TAFA1: variants seen among roughly 807,000 people sequenced by gnomAD.
TAFA1 encodes the protein chemokine-like protein TAFA-1.
TAFA1 carries 4 observed loss-of-function variants against 18.5 expected under a neutral mutation model. That is an observed-to-expected ratio of 0.22 (90% CI 0.11 to 0.49). The LOEUF (loss-of-function observed/expected upper bound fraction) is 0.49. Among genes scored for constraint, TAFA1 ranks in the 20% least tolerant of loss-of-function variants. The pLI is 0.98. For synonymous variants in TAFA1, 56 were observed against 55.2 expected (o/e 1.01, Z -0.06); for missense variants, 147 against 169.0 (o/e 0.87, Z 0.72).
At chr3:68,431,342 T>G (rs2071166775) in intron 3 of TAFA1, among the ~76,000 whole-genome samples, 3 of 151,992 alleles carry the variant, frequency 2.0e-5, no homozygotes, top group Admixed American at 2.0e-4. Flanking sequence ...CCTATTGCCC[T>G]TAGCAGCCCT....
intron 3 of TAFA1, among the ~76,000 whole-genome samples, chr3:68,459,760 CCAGT>C (rs1457059024): frequency 6.6e-6 from 1 of 152,042 alleles, no homozygotes; most frequent in Non-Finnish European, 1.5e-5. Flanking sequence ...TTAAGATATC[CCAGT>C]CAAATACTCA....
intron 2 of TAFA1, among the ~76,000 whole-genome samples, chr3:68,044,149 C>T (rs1255172215): frequency 6.6e-6 from 1 of 152,188 alleles, no homozygotes; most frequent in Non-Finnish European, 1.5e-5. Flanking sequence ...TTTGTTCCTT[C>T]ATTCTTCTTT....
rs554707319 is a variant in TAFA1 at position 68,136,020 on chromosome 3, T to C, written c.118+129276T>C. On this transcript the variant is annotated intron_variant, in intron 2 of 4. Coordinates refer to ENST00000478136, the MANE Select transcript of TAFA1 (RefSeq NM_213609.4). ...AAAAACAGATTGAATTTCAGAAAGA[T>C]TGACTTGCACATATTCTTCTGATTT... Among the ~76,000 whole-genome samples, 28 of 152,304 alleles carry C rather than the reference T, an allele frequency of 1.8e-4. No individual in the cohort carries two copies. In the East Asian group the frequency reaches 5.4e-3, roughly 29 times the overall value.
intron 2 of TAFA1, among the ~76,000 whole-genome samples, chr3:68,193,148 G>A (rs2066369310): frequency 6.6e-6 from 1 of 151,658 alleles, no homozygotes; most frequent in Non-Finnish European, 1.5e-5. Context: ...TAAAAAATAA[G>A]CTCCAAAGTA....
intron 2 of TAFA1, among the ~76,000 whole-genome samples, chr3:68,049,763 CT>C (rs2064442893): frequency 6.6e-6 from 1 of 152,076 alleles, no homozygotes; most frequent in Non-Finnish European, 1.5e-5. Context: ...AACAGAAGCT[CT>C]GTCCTTTTTA....
intron 2 of TAFA1, among the ~76,000 whole-genome samples, chr3:68,170,547 A>G (rs891898256): frequency 3.9e-5 from 6 of 152,184 alleles, no homozygotes; most frequent in Admixed American, 1.3e-4. Context: ...ATGCTCCAAT[A>G]TATTTCTGGG....
intron 2 of TAFA1, among the ~76,000 whole-genome samples, chr3:68,262,899 C>T (rs575618612): frequency 2.4e-4 from 37 of 152,224 alleles, no homozygotes; most frequent in East Asian, 3.9e-4. Flanking sequence ...AAATGTTGTA[C>T]GCATTTTAAA....
intron 3 of TAFA1, among the ~76,000 whole-genome samples, chr3:68,493,131 A>T: frequency 6.6e-6 from 1 of 152,112 alleles, no homozygotes; most frequent in Non-Finnish European, 1.5e-5. Flanking sequence ...CATACTTTTT[A>T]AACAACAACT....
intron 2 of TAFA1, among the ~76,000 whole-genome samples, chr3:68,270,047 C>T (rs2067632831): frequency 6.6e-6 from 1 of 152,262 alleles, no homozygotes; most frequent in Non-Finnish European, 1.5e-5. Context: ...AGGCATGCTG[C>T]AGGAAACCAC....
intron 3 of TAFA1, among the ~76,000 whole-genome samples, chr3:68,489,901 A>T (rs1423053338): frequency 6.6e-6 from 1 of 152,244 alleles, no homozygotes; most frequent in African/African-American, 2.4e-5. Flanking sequence ...TTGTGAATCA[A>T]ATGGCCAGCT....
At chr3:68,085,708 C>T (rs1386645190) in intron 2 of TAFA1, among the ~76,000 whole-genome samples, 5 of 152,138 alleles carry the variant, frequency 3.3e-5, no homozygotes, top group African/African-American at 2.4e-5. Context: ...AATCCAAGTT[C>T]CTGTCACATA....
At chr3:68,467,266 G>A (rs1012000705) in intron 3 of TAFA1, among the ~76,000 whole-genome samples, 1 of 152,146 alleles carries the variant, frequency 6.6e-6, no homozygotes, top group Non-Finnish European at 1.5e-5. Flanking sequence ...TACATCCTCA[G>A]CTTAAGAAGA....
At chr3:68,294,910 A>G (rs1484359625) in intron 2 of TAFA1, among the ~76,000 whole-genome samples, 1 of 152,166 alleles carries the variant, frequency 6.6e-6, no homozygotes, top group East Asian at 1.9e-4. Context: ...TTCTTGAATC[A>G]CACAGCCACA....
intron 3 of TAFA1, among the ~76,000 whole-genome samples, chr3:68,486,867 C>T (rs915820930): frequency 2.6e-5 from 4 of 152,094 alleles, no homozygotes; most frequent in Non-Finnish European, 5.9e-5. Flanking sequence ...ATTTCGGGGG[C>T]AGTTTGGTAT....
intron 3 of TAFA1, among the ~76,000 whole-genome samples, chr3:68,474,744 G>T (rs919558911): frequency 3.3e-5 from 5 of 152,148 alleles, no homozygotes; most frequent in African/African-American, 7.2e-5. Flanking sequence ...ACCTGAAAAG[G>T]CATATAAGAA....
chr3:68,024,207 C>T (rs942427411), intron 2 of TAFA1, among the ~76,000 whole-genome samples: 1 of 152,046 alleles, frequency 6.6e-6, no homozygotes, highest in Non-Finnish European at 1.5e-5. Flanking sequence ...AGTTATGGAT[C>T]AAATGCATCC....
intron 2 of TAFA1, among the ~76,000 whole-genome samples, chr3:68,355,828 C>T (rs2069351632): frequency 1.3e-5 from 2 of 151,932 alleles, no homozygotes; most frequent in Admixed American, 6.6e-5. Context: ...TGATGAGCAA[C>T]CTGTCACTTA....
intron 2 of TAFA1, among the ~76,000 whole-genome samples, chr3:68,307,243 A>G (rs1048550528): frequency 6.6e-6 from 1 of 152,168 alleles, no homozygotes; most frequent in Non-Finnish European, 1.5e-5. Context: ...AGTTACTTAG[A>G]GTGTTTATTT....
chr3:68,441,928 TACCTG>T (rs367877724), intron 3 of TAFA1, among the ~76,000 whole-genome samples: 44 of 152,326 alleles, frequency 2.9e-4, no homozygotes, highest in Middle Eastern at 3.4e-3. Flanking sequence ...TTGAGCAGTG[TACCTG>T]GCTGTGCACT....
Sources: gnomAD v4.1 joint callset for allele counts (sites outside exome capture counted in the v4.1 genomes callset) on GRCh38, gnomAD v4.1.1 for gene constraint, MANE v1.5 for transcripts, NCBI Gene and HGNC (gene_info 2026-07-23, HGNC 2026-07-21) for gene names.